Variants in EPHA3 observed in about 807,000 individuals in gnomAD.
The protein encoded by EPHA3 is ephrin type-A receptor 3.
A neutral mutation model predicts 107.1 loss-of-function variants in EPHA3; 42 were observed. The ratio of observed to expected loss-of-function variants is 0.39; its 90% CI spans 0.31 to 0.51. EPHA3 has a LOEUF of 0.51. EPHA3 is among the 20% of genes least tolerant of loss of function. The pLI, the probability that EPHA3 is intolerant of heterozygous loss-of-function variation, is 0.78. For synonymous variants in EPHA3, 461 were observed against 424.8 expected, an observed-to-expected ratio of 1.09 and a Z score of -1.05; for missense variants, 1,183 against 1,211.2, an observed-to-expected ratio of 0.98 and a Z score of 0.35.
chr3:89,150,668 A>G (rs536284477), intron 2 of EPHA3, among the ~76,000 whole-genome samples: 3 of 152,238 alleles, frequency 2.0e-5, no homozygotes, highest in Admixed American at 2.0e-4. Flanking sequence ...CCAGATATCA[A>G]TTTGAATCTT....
At chr3:89,158,886 C>T (rs1704861784) in intron 2 of EPHA3, among the ~76,000 whole-genome samples, 2 of 151,806 alleles carry the variant, frequency 1.3e-5, no homozygotes, top group African/African-American at 4.8e-5. Context: ...ATATATTTGC[C>T]CTTAATTTTG....
intron 3 of EPHA3, among the ~76,000 whole-genome samples, chr3:89,211,306 G>A (rs1170905795): frequency 6.6e-6 from 1 of 151,842 alleles, no homozygotes. Context: ...ATGTATATCA[G>A]CTGTGCTATA....
chr3:89,321,143 C>A (rs1227986317), intron 3 of EPHA3, among the ~76,000 whole-genome samples: 2 of 151,882 alleles, frequency 1.3e-5, no homozygotes, highest in African/African-American at 2.4e-5. Flanking sequence ...GTTAAACTGA[C>A]CCAGGAACAA....
At chr3:89,232,782 ACTTTGTATTCCTATACT>A (rs1366192685) in intron 3 of EPHA3, among the ~76,000 whole-genome samples, 1 of 152,138 alleles carries the variant, frequency 6.6e-6, no homozygotes, top group Non-Finnish European at 1.5e-5. Context: ...TTAATCCTAA[ACTTTGTATTCCTATACT>A]CTAAGCTAGA....
chr3:89,471,455 G>A (rs572132718), intron 15 of EPHA3, among the ~76,000 whole-genome samples: 4 of 152,130 alleles, frequency 2.6e-5, no homozygotes, highest in East Asian at 1.9e-4. Flanking sequence ...CGCAACCTTC[G>A]CCTCCCAGGT....
intron 5 of EPHA3, among the ~76,000 whole-genome samples, chr3:89,394,018 G>A (rs74444706): frequency 6.6e-6 from 1 of 152,118 alleles, no homozygotes; most frequent in Admixed American, 6.5e-5. Flanking sequence ...ATGTTAATTT[G>A]TATGAAAAGA....
At chr3:89,239,892 A>T (rs1299641480) in intron 3 of EPHA3, among the ~76,000 whole-genome samples, 1 of 152,190 alleles carries the variant, frequency 6.6e-6, no homozygotes, top group East Asian at 1.9e-4. Flanking sequence ...GTGCAAAATT[A>T]AAAATTAATT....
At chr3:89,468,627 C>T (rs1313276299) in intron 15 of EPHA3, among the ~76,000 whole-genome samples, 1 of 152,088 alleles carries the variant, frequency 6.6e-6, no homozygotes, top group Non-Finnish European at 1.5e-5. Context: ...CGCGCGCATG[C>T]CTGTAGATAG....
At chr3:89,372,164 C>G (rs1708319337) in intron 5 of EPHA3, among the ~76,000 whole-genome samples, 1 of 151,520 alleles carries the variant, frequency 6.6e-6, no homozygotes, top group South Asian at 2.1e-4. Flanking sequence ...TGGATTGATC[C>G]ATCTGAAGGT....
chr3:89,339,326 G>A (rs530404582), intron 3 of EPHA3, among the ~76,000 whole-genome samples: 28 of 139,610 alleles, frequency 2.0e-4, no homozygotes, highest in African/African-American at 6.9e-4. Context: ...AGCCGAGATT[G>A]TGCCACTGCA....
At chr3:89,382,222 C>G (rs1373248424) in intron 5 of EPHA3, among the ~76,000 whole-genome samples, 2 of 151,972 alleles carry the variant, frequency 1.3e-5, no homozygotes, top group African/African-American at 4.8e-5. Context: ...AAAATAGAGA[C>G]TATGGCTGGG....
chr3:89,348,782 T>C (rs1025000910), intron 5 of EPHA3, among the ~76,000 whole-genome samples: 2 of 142,116 alleles, frequency 1.4e-5, no homozygotes, highest in Non-Finnish European at 3.1e-5. Flanking sequence ...TACACACTGC[T>C]TTGAATGCAT....
chr3:89,391,297 G>A (rs970425175), intron 5 of EPHA3, among the ~76,000 whole-genome samples: 2 of 152,008 alleles, frequency 1.3e-5, no homozygotes, highest in African/African-American at 4.8e-5. Context: ...GTCCGGAGAA[G>A]CTTCATGGAG....
chr3:89,141,876 C>G (rs1441945177), intron 2 of EPHA3, among the ~76,000 whole-genome samples: 1 of 151,204 alleles, frequency 6.6e-6, no homozygotes, highest in Non-Finnish European at 1.5e-5. Flanking sequence ...TTCATGGCCC[C>G]TATATTATAA....
intron 2 of EPHA3, among the ~76,000 whole-genome samples, chr3:89,139,428 C>T (rs1373436762): frequency 6.6e-6 from 1 of 151,734 alleles, no homozygotes; most frequent in Non-Finnish European, 1.5e-5. Flanking sequence ...GATGGATGTA[C>T]TAGGTAGCCA....
chr3:89,413,580 C>G (rs1709195352), intron 10 of EPHA3, among the ~76,000 whole-genome samples: 1 of 151,674 alleles, frequency 6.6e-6, no homozygotes, highest in African/African-American at 2.4e-5. Context: ...GGATAAAAGT[C>G]TATTTCAATT....
intron 2 of EPHA3, among the ~76,000 whole-genome samples, chr3:89,160,203 A>G (rs1704899217): frequency 6.6e-6 from 1 of 152,086 alleles, no homozygotes; most frequent in Non-Finnish European, 1.5e-5. Context: ...AATGTTTGGA[A>G]CAATCAGAAT....
At chr3:89,391,067 C>T (rs865912803) in intron 5 of EPHA3, among the ~76,000 whole-genome samples, 10 of 151,882 alleles carry the variant, frequency 6.6e-5, no homozygotes, top group East Asian at 3.9e-4. Context: ...ATTAGAGGCA[C>T]GAGCCACTGC....
intron 2 of EPHA3, among the ~76,000 whole-genome samples, chr3:89,208,719 A>G (rs982689480): frequency 2.6e-5 from 4 of 152,138 alleles, no homozygotes; most frequent in Non-Finnish European, 5.9e-5. Flanking sequence ...TGACAATAAT[A>G]TAATATGTGG....
Sources: gnomAD v4.1 joint callset for allele counts (sites outside exome capture counted in the v4.1 genomes callset) on GRCh38, gnomAD v4.1.1 for gene constraint, MANE v1.5 for transcripts, NCBI Gene and HGNC (gene_info 2026-07-23, HGNC 2026-07-21) for gene names.